Variants in ZNF100 observed in about 807,000 individuals in gnomAD.
ZNF100 encodes the protein zinc finger protein 100.
Under a neutral mutation model 15.8 loss-of-function variants are expected in ZNF100, and 12 were observed. That is an observed-to-expected ratio of 0.76 (90% CI 0.49 to 1.23). The LOEUF is 1.23. Ranked by LOEUF, ZNF100 falls within the 50% of genes most tolerant of loss-of-function variation. ZNF100 has a pLI of 0.00. For synonymous variants in ZNF100, 226 were observed against 214.8 expected (o/e 1.05, Z -0.45); for missense variants, 670 against 635.6 (o/e 1.05, Z -0.58).
chr19:21,741,675 T>G (rs2036111649), intron 4 of ZNF100, among the ~76,000 whole-genome samples: 1 of 151,848 alleles, frequency 6.6e-6, no homozygotes, highest in Non-Finnish European at 1.5e-5. Context: ...ACGCCTGGCA[T>G]GTAAAACTTT....
At chr19:21,755,339 C>T (rs990488103) in intron 2 of ZNF100, among the ~76,000 whole-genome samples, 2 of 150,566 alleles carry the variant, frequency 1.3e-5, no homozygotes, top group African/African-American at 4.9e-5. Context: ...AAAAAAAAAG[C>T]TCAACATCAC....
chr19:21,743,420 C>A (rs1244967044), intron 4 of ZNF100, among the ~76,000 whole-genome samples: 1 of 152,006 alleles, frequency 6.6e-6, no homozygotes, highest in East Asian at 1.9e-4. Context: ...ATAAAAAATA[C>A]AATTCTAAAA....
In ZNF100 at chr19:21,728,949, TAATA is replaced by T. The variant is rs537483662; in HGVS notation, c.323-964_323-961del. Among the ~76,000 whole-genome samples the T allele has an allele frequency of 3.8e-3, 567 of 150,676 alleles. 2 individuals carry two copies. Among genetic ancestry groups the T allele is most frequent in the African/African-American group, 0.013 (547 of 41,102 alleles). ...ATATCAAAAAAACAAATTGTGGAGG[TAATA>T]AATATAAAAAAGAATAGCTGAAAAA... On this transcript the variant is annotated intron_variant, in intron 4 of 4. Coordinates refer to ENST00000358296, the MANE Select transcript of ZNF100 (RefSeq NM_173531.4).
chr19:21,738,797 T>G (rs2036056407), intron 4 of ZNF100, among the ~76,000 whole-genome samples: 1 of 151,948 alleles, frequency 6.6e-6, no homozygotes, highest in South Asian at 2.1e-4. Flanking sequence ...ACTACAAAAA[T>G]TAGCTGGGCA....
intron 4 of ZNF100, chr19:21,743,357 A>G (rs2036152861): frequency 6.6e-6 from 1 of 152,250 alleles, no homozygotes; most frequent in Non-Finnish European, 1.5e-5. Context: ...AAAGTAATCT[A>G]TAGCTCCAAT....
rs2035788367 is a variant in ZNF100, at chr19:21,726,521, T to A, written c.*162A>T. 1.5e-6 allele frequency: 1 copy of A among 657,306 alleles called. No homozygotes were observed. The highest frequency in any genetic ancestry group is 2.4e-6 in the Non-Finnish European group (1 of 408,550). The allele number at this position is 657,306 out of a possible 1,614,324, so 40.7% of individuals were successfully genotyped here. On this transcript the variant is annotated 3_prime_UTR_variant, in exon 5 of 5. Coordinates refer to ENST00000358296, the MANE Select transcript of ZNF100 (RefSeq NM_173531.4). ...CAAAGCACTGTCACATCTTTCTGGT[T>A]TGTAGAATTTCTCTCTAGTATGAAT... is the stretch of plus-strand genomic sequence containing the variant.
At chr19:21,744,140 A>C (rs374800889) in intron 3 of ZNF100, 25 bp from the exon 4 acceptor site, 3 of 1,568,086 alleles carry the variant, frequency 1.9e-6, no homozygotes, top group African/African-American at 2.7e-5. Flanking sequence ...AATAACATGA[A>C]TCTTTCTCAT....
chr19:21,738,691 ACT>A (rs2036053989), intron 4 of ZNF100, among the ~76,000 whole-genome samples: 1 of 151,964 alleles, frequency 6.6e-6, no homozygotes, highest in Non-Finnish European at 1.5e-5. Flanking sequence ...AGGCGCAGAG[ACT>A]CACGCCTGTA....
intron 1 of ZNF100, 119 bp downstream of exon 1, chr19:21,767,308 G>T: frequency 8.3e-6 from 13 of 1,562,718 alleles, no homozygotes; most frequent in Non-Finnish European, 1.1e-5. Flanking sequence ...GGCCGAGCTG[G>T]GCAAGGCGCA....
chr19:21,737,071 C>CAA (rs139529028), intron 4 of ZNF100, among the ~76,000 whole-genome samples: 2 of 149,000 alleles, frequency 1.3e-5, no homozygotes, highest in African/African-American at 2.5e-5. Context: ...GATAGAGACA[C>CAA]AAAAAAAACC....
intron 2 of ZNF100, among the ~76,000 whole-genome samples, chr19:21,764,423 C>T (rs1045105766): frequency 1.3e-5 from 2 of 151,982 alleles, no homozygotes; most frequent in Non-Finnish European, 2.9e-5. Context: ...GCGGGCAGAT[C>T]GCGAGGTTAG....
intron 2 of ZNF100, among the ~76,000 whole-genome samples, chr19:21,754,185 C>A (rs2036355588): frequency 6.7e-6 from 1 of 149,348 alleles, no homozygotes; most frequent in African/African-American, 2.5e-5. Flanking sequence ...TTTTAAAGGG[C>A]AGAGAAATAA....
intron 4 of ZNF100, among the ~76,000 whole-genome samples, chr19:21,732,984 T>TA (rs1348263752): frequency 2.0e-5 from 3 of 152,166 alleles, no homozygotes; most frequent in Admixed American, 6.5e-5. Flanking sequence ...TCTACAGCTT[T>TA]AGGAAGCCAA....
In ZNF100 at chr19:21,760,754, G is replaced by GTTTT. The variant is rs59317162; in HGVS notation, c.96+4936_96+4939dup. On this transcript the variant is annotated intron_variant, in intron 2 of 4. Transcript: ENST00000358296. Reference sequence around the variant, plus strand: ...ATTAGAATAGAGGAAGAACTTTCTTGTTTTTTTTTTTTTTTTTTTTGAGAT... The same window carrying GTTTT: ...ATTAGAATAGAGGAAGAACTTTCTTGTTTTTTTTTTTTTTTTTTTTTTTTGAGAT... 1.3e-3 allele frequency among the ~76,000 whole-genome samples: 132 copies of GTTTT among 102,090 alleles called. 3 individuals are homozygous for GTTTT. Among genetic ancestry groups the GTTTT allele is most frequent in the Middle Eastern group, 0.011 (2 of 188 alleles). 67.0% of individuals were successfully genotyped at this position (102,090 alleles called of 152,430 possible). A position where few individuals can be genotyped will look rare whatever the true frequency, so the allele number is the denominator to read the frequency against.
At chr19:21,748,925 C>T (rs1432360970) in intron 2 of ZNF100, among the ~76,000 whole-genome samples, 2 of 152,126 alleles carry the variant, frequency 1.3e-5, no homozygotes, top group Non-Finnish European at 2.9e-5. Flanking sequence ...AGGCTGATCT[C>T]GAACTCCCAA....
intron 3 of ZNF100, among the ~76,000 whole-genome samples, 188 bp downstream of exon 3, chr19:21,744,753 G>C (rs1270656589): frequency 6.6e-6 from 1 of 152,058 alleles, no homozygotes; most frequent in Non-Finnish European, 1.5e-5. Context: ...ATCAGCTCAG[G>C]AATATGGAAA....
At chr19:21,749,837 G>A (rs907821334) in intron 2 of ZNF100, among the ~76,000 whole-genome samples, 1 of 152,142 alleles carries the variant, frequency 6.6e-6, no homozygotes, top group East Asian at 1.9e-4. Context: ...TACAGAAAAT[G>A]CCTTCTGTTG....
chr19:21,758,617 A>C (rs781105336), intron 2 of ZNF100, among the ~76,000 whole-genome samples: 1 of 152,182 alleles, frequency 6.6e-6, no homozygotes, highest in Non-Finnish European at 1.5e-5. Context: ...GGGTTGGGAT[A>C]TGCCAGGAGA....
At chr19:21,742,609 C>T (rs1043838157) in intron 4 of ZNF100, among the ~76,000 whole-genome samples, 1 of 151,770 alleles carries the variant, frequency 6.6e-6, no homozygotes. Context: ...TCTATTTTAA[C>T]GTAGGACTGG....
Sources: gnomAD v4.1 joint callset for allele counts (sites outside exome capture counted in the v4.1 genomes callset) on GRCh38, gnomAD v4.1.1 for gene constraint, MANE v1.5 for transcripts, NCBI Gene and HGNC (gene_info 2026-07-23, HGNC 2026-07-21) for gene names.